SIRT3: variants seen among roughly 807,000 people sequenced by gnomAD.
SIRT3 encodes the protein sirtuin 3, also known as NAD-dependent protein deacetylase sirtuin-3, mitochondrial.
Under a neutral mutation model 33.5 loss-of-function variants are expected in SIRT3, and 26 were observed. That is an observed-to-expected ratio of 0.78 (90% CI 0.57 to 1.08). SIRT3 has a LOEUF of 1.08. Among genes scored for constraint, SIRT3 ranks in the 50% least tolerant of loss-of-function variants. The pLI, the probability that SIRT3 is intolerant of heterozygous loss-of-function variation, is 0.00. For synonymous variants in SIRT3, 237 were observed against 222.1 expected (o/e 1.07, Z -0.60); for missense variants, 585 against 530.1 (o/e 1.10, Z -1.02).
intron 4 of SIRT3, among the ~76,000 whole-genome samples, chr11:229,393 C>T (rs956273268): frequency 2.0e-5 from 3 of 152,070 alleles, no homozygotes; most frequent in South Asian, 4.2e-4. Context: ...TACAGTGAGC[C>T]GAGATTGCGC....
intron 3 of SIRT3, 53 bp downstream of exon 3, chr11:232,930 C>T: frequency 1.9e-6 from 3 of 1,557,166 alleles, no homozygotes; most frequent in Non-Finnish European, 2.6e-6. Context: ...GAGAAACAGG[C>T]ACCCGAGCCT....
chr11:230,684 C>T, intron 3 of SIRT3, 132 bp from the exon 4 acceptor site: 1 of 468,050 alleles, frequency 2.1e-6, no homozygotes, highest in Non-Finnish European at 3.6e-6. Context: ...TGTCCTCAAG[C>T]CTGGTTTTCA....
At chr11:220,675 T>A (rs200122387) in intron 5 of SIRT3, among the ~76,000 whole-genome samples, 1 of 152,242 alleles carries the variant, frequency 6.6e-6, no homozygotes, top group East Asian at 1.9e-4. Context: ...AATTGTTACA[T>A]CTTTCTGGAA....
At chr11:222,437 C>T (rs917173463) in intron 5 of SIRT3, 2 of 153,180 alleles carry the variant, frequency 1.3e-5, no homozygotes, top group Non-Finnish European at 2.9e-5. Context: ...CAGCCACAGC[C>T]CTGGGGTCCT....
chr11:235,544 C>T (rs764885298), intron 1 of SIRT3, among the ~76,000 whole-genome samples: 12 of 152,178 alleles, frequency 7.9e-5, no homozygotes, highest in Non-Finnish European at 1.3e-4. Flanking sequence ...TGTCAGACAG[C>T]AAGTCAATGT....
intron 3 of SIRT3, among the ~76,000 whole-genome samples, chr11:230,969 CA>C (rs991623443): frequency 2.0e-5 from 3 of 152,018 alleles, no homozygotes; most frequent in Non-Finnish European, 4.4e-5. Context: ...ACTAAAAATA[CA>C]AAAATTAGCC....
Position 218,993 on chromosome 11 carries a change from G to A in SIRT3, c.1018C>T (p.Arg340Ter), listed in dbSNP as rs199874973. The A allele has an allele frequency of 3.9e-5, 63 of 1,613,988 alleles. No individual in the cohort carries two copies. Among genetic ancestry groups the A allele is most frequent in the Admixed American group, 1.8e-4 (11 of 60,000 alleles). ...ACCAAGTCCCGGTTGATGAGCAGTCGGGGAACTGAGCTCCGCACGGCCTCG... is the reference window on the plus strand; with the variant it reads ...ACCAAGTCCCGGTTGATGAGCAGTCAGGGAACTGAGCTCCGCACGGCCTCG... ...LTEAVRSSVP[R>*]LLINRDLVGP... is the part of the protein sequence containing the mutation. Residue 340 changes from arginine to a stop codon, truncating the protein, a stop_gained, in exon 6 of 7, where the codon CGA becomes TGA. Coordinates refer to ENST00000382743, the MANE Select transcript of SIRT3 (RefSeq NM_012239.6). LOFTEE classifies it high-confidence loss of function.
chr11:234,451 G>T (rs4980325), intron 1 of SIRT3, among the ~76,000 whole-genome samples: 96,353 of 152,000 alleles, frequency 0.63, 32,013 homozygotes, highest in African/African-American at 0.84. Context: ...GTCTCGCTCT[G>T]TTGCCCAGGC....
At chr11:236,719 A>C, upstream of SIRT3, 1 of 424,152 alleles carries the variant, frequency 2.4e-6, no homozygotes, top group Non-Finnish European at 4.3e-6. Flanking sequence ...TACTGGGAAG[A>C]TCCTCATTTG....
At chr11:234,181 GT>G (rs1858535522) in intron 1 of SIRT3, among the ~76,000 whole-genome samples, 1 of 152,236 alleles carries the variant, frequency 6.6e-6, no homozygotes, top group Non-Finnish European at 1.5e-5. Context: ...TACGTAAGAT[GT>G]ATGGCTTAAA....
Position 233,397 on chromosome 11 carries a change from A to C in SIRT3, c.419T>G (p.Val140Gly), listed in dbSNP as rs751011585. Residue 140 changes from valine to glycine, a missense_variant, in exon 2 of 7, where the codon GTG (valine) becomes GGG (glycine). Physicochemically the swap from Val to Gly is moderately radical, Grantham distance 109. Coordinates refer to ENST00000382743, the MANE Select transcript of SIRT3 (RefSeq NM_012239.6). The part of the protein sequence containing the change: ...ELIRARACQR[V>G]VVMVGAGIST... ...GATGCCGGCCCCCACCATGACCACCACCCTCTGGCAGGCTCTGGCCCGAAT... is the reference window on the plus strand; with the variant it reads ...GATGCCGGCCCCCACCATGACCACCCCCCTCTGGCAGGCTCTGGCCCGAAT... 1.2e-6 allele frequency: 2 copies of C among 1,613,930 alleles called. No individual in the cohort carries two copies. The highest frequency in any genetic ancestry group is 1.7e-6 in the Non-Finnish European group (2 of 1,179,962).
In SIRT3 at chr11:224,079, T is replaced by G. The variant is rs754199589; in HGVS notation, c.968A>C (p.Glu323Ala). 1 of 1,613,840 alleles carries G rather than the reference T, an allele frequency of 6.2e-7. No homozygotes were observed. Among genetic ancestry groups the G allele is most frequent in the South Asian group, 1.1e-5 (1 of 91,064 alleles). Residue 323 changes from glutamate (E) to alanine (A), a missense_variant and splice_region_variant, in exon 5 of 7, where the codon GAG becomes GCG. By Grantham distance (107) the Glu-to-Ala change is moderately radical. Coordinates refer to ENST00000382743, the MANE Select transcript of SIRT3 (RefSeq NM_012239.6). ...DLLLILGTSL[E>A]VEPFASLTEA... is the part of the protein sequence containing the mutation. Reference sequence around the variant, plus strand: ...CCCTGCACAGGCCTGCTGACAAACCTCCAGGGAGGTCCCAAGGATGAGCAG... The same window carrying G: ...CCCTGCACAGGCCTGCTGACAAACCGCCAGGGAGGTCCCAAGGATGAGCAG...
Position 233,527 on chromosome 11 carries a change from C to A in SIRT3, c.289G>T (p.Gly97Cys). 1 of 1,613,764 alleles carries A rather than the reference C, an allele frequency of 6.2e-7. No individual in the cohort carries two copies. The highest frequency in any genetic ancestry group is 1.1e-5 in the South Asian group (1 of 91,040). Reference protein sequence around the residue: ...APSFFFSSIKGGRRSISFSVG... With the variant: ...APSFFFSSIKCGRRSISFSVG... ...GAAAAAGATATGGACCTTCTTCCAC[C>A]TTTAATACTGACAGAAAAAAACACA... The change falls in exon 2 of 7, where the codon GGT becomes TGT. Residue 97 changes from glycine to cysteine, a missense_variant. Transcript: ENST00000382743.
intron 4 of SIRT3, among the ~76,000 whole-genome samples, chr11:229,788 G>A (rs1857665661): frequency 6.6e-6 from 1 of 151,896 alleles, no homozygotes; most frequent in African/African-American, 2.4e-5. Context: ...ATAGCTAAAC[G>A]TGGAGTTACC....
At chr11:224,667 T>C (rs1856913777) in intron 4 of SIRT3, among the ~76,000 whole-genome samples, 2 of 152,150 alleles carry the variant, frequency 1.3e-5, no homozygotes, top group African/African-American at 4.8e-5. Flanking sequence ...CTGTCTCTGG[T>C]TTGAGCTTCG....
rs201012829 is a variant in SIRT3, at chr11:233,010, T to C, written c.679A>G (p.Thr227Ala). ...HDKGLLLRLY[T>A]QNIDGLERVS... ...CTCTCAAGCCCATCGATGTTCTGCG[T>C]GTAGAGCCGCAGAAGCAGCCCCTTG... The change falls in exon 3 of 7, where the codon ACG becomes GCG. Residue 227 changes from threonine (T) to alanine (A), a missense_variant. Thr to Ala is a moderately conservative substitution (Grantham distance 58). Transcript: ENST00000382743. 1.7e-5 allele frequency: 27 copies of C among 1,613,862 alleles called. No individual in the cohort carries two copies. The highest frequency in any genetic ancestry group is 1.2e-4 in the Admixed American group (7 of 59,990).
chr11:231,543 G>A (rs1309273457), intron 3 of SIRT3, among the ~76,000 whole-genome samples: 2 of 152,190 alleles, frequency 1.3e-5, no homozygotes, highest in Non-Finnish European at 2.9e-5. Context: ...GGTAGAAACA[G>A]ACAAAAAGTG....
chr11:228,590 T>G lies in SIRT3; in HGVS notation c.807+1862A>C, dbSNP rs534344769. ...AGAAAATGAAGCTGGATCCCTACCT[T>G]ACAGCGCACACAAAAATTAACTCAA... On this transcript the variant is annotated intron_variant, in intron 4 of 6. Transcript: ENST00000382743. 3.3e-5 allele frequency among the ~76,000 whole-genome samples: 5 copies of G among 152,300 alleles called. No individual in the cohort carries two copies. In the South Asian group the frequency reaches 1.0e-3, roughly 32 times the overall value.
chr11:230,238 T>C (rs562262749), intron 4 of SIRT3, among the ~76,000 whole-genome samples: 33 of 150,736 alleles, frequency 2.2e-4, no homozygotes, highest in Non-Finnish European at 4.0e-4. Flanking sequence ...AGTGGGCAGC[T>C]GGAATTGGCT....
Sources: gnomAD v4.1 joint callset for allele counts (sites outside exome capture counted in the v4.1 genomes callset) on GRCh38, gnomAD v4.1.1 for gene constraint, MANE v1.5 for transcripts, NCBI Gene and HGNC (gene_info 2026-07-23, HGNC 2026-07-21) for gene names.